The following GOSR1 variants were observed in gnomAD, a reference collection of about 807,000 sequenced individuals.
GOSR1 encodes the protein 28 kDa Golgi SNARE protein.
GOSR1 carries 21 observed loss-of-function variants against 35.5 expected under a neutral mutation model. The observed-to-expected ratio is 0.59, with a 90% confidence interval of 0.42 to 0.85. The LOEUF is 0.85. Ranked by LOEUF, GOSR1 falls within the 40% of genes least tolerant of loss-of-function variation. The probability of loss-of-function intolerance (pLI) is 0.00; values close to 1 mark genes in which losing one functional copy is unlikely to be tolerated. For synonymous variants in GOSR1, 94 were observed against 106.6 expected (o/e 0.88, Z 0.73); for missense variants, 285 against 309.6 (o/e 0.92, Z 0.60).
chr17:30,511,914 A>G (rs1263935129), intron 7 of GOSR1, among the ~76,000 whole-genome samples: 2 of 152,214 alleles, frequency 1.3e-5, no homozygotes, highest in Non-Finnish European at 2.9e-5. Flanking sequence ...TCAATAACCC[A>G]TTAGATAGAC....
At position 30,526,266 on chromosome 17, in the gene GOSR1, A is replaced by G. The variant is rs1968180878; in HGVS notation, c.*3888A>G. On this transcript the variant is annotated 3_prime_UTR_variant, in exon 9 of 9. Transcript: ENST00000451249. ...TAGGGGAAGTTATGCCCCCTCAACT[A>G]TTGTCTTATTATAATGAATCTTTCC... 2 of 152,040 alleles carry G rather than the reference A, an allele frequency of 1.3e-5. No homozygotes were observed. Among genetic ancestry groups the G allele is most frequent in the African/African-American group, 4.8e-5 (2 of 41,344 alleles). The allele number at this position is 152,040 out of a possible 1,614,324, so 9.4% of individuals were successfully genotyped here. A position where few individuals can be genotyped will look rare whatever the true frequency, so the allele number is the denominator to read the frequency against.
At chr17:30,520,773 A>T (rs1967999867) in intron 8 of GOSR1, among the ~76,000 whole-genome samples, 1 of 152,156 alleles carries the variant, frequency 6.6e-6, no homozygotes, top group South Asian at 2.1e-4. Context: ...TTTTAGTTTG[A>T]TATGTCTTTG....
intron 4 of GOSR1, among the ~76,000 whole-genome samples, chr17:30,488,719 G>A (rs541423574): frequency 3.1e-4 from 47 of 150,842 alleles, no homozygotes; most frequent in Admixed American, 3.0e-3. Flanking sequence ...TGTGTTTTTA[G>A]TAGAGACGGG....
At chr17:30,502,136 AT>A (rs1368231404) in intron 6 of GOSR1, among the ~76,000 whole-genome samples, 1 of 152,228 alleles carries the variant, frequency 6.6e-6, no homozygotes, top group Non-Finnish European at 1.5e-5. Flanking sequence ...ACTATATAAC[AT>A]TTTGGACAAA....
rs1388138863 is a variant in GOSR1, at chr17:30,517,135, G to GTTAACA, written c.540-2801_540-2796dup. Among the ~76,000 whole-genome samples the GTTAACA allele has an allele frequency of 3.9e-5, 6 of 152,232 alleles. No individual in the cohort carries two copies. In the South Asian group the frequency reaches 1.2e-3, roughly 32 times the overall value. ...GTGTGTGTGTGTAGCTTCAGATGTT[G>GTTAACA]TTAACATTTCTTAATCACTCAGGTG... On this transcript the variant is annotated intron_variant, in intron 7 of 8. Coordinates refer to ENST00000451249, the MANE Select transcript of GOSR1 (RefSeq NM_001007025.2).
At position 30,481,308 on chromosome 17, in the gene GOSR1, G is replaced by A. The variant is rs542694380; in HGVS notation, c.146+51G>A. 24 of 1,399,904 alleles carry A rather than the reference G, an allele frequency of 1.7e-5. No homozygotes were observed. In the South Asian group the frequency reaches 1.8e-4, roughly 10 times the overall value. 86.7% of individuals were successfully genotyped at this position (1,399,904 alleles called of 1,614,324 possible). The stretch of plus-strand genomic sequence containing the variant: ...CCTATGCCTTAACTGTGTTTTTAAA[G>A]CATTAAAAAATAAACTAAAATATAT... On this transcript the variant is annotated intron_variant, in intron 2 of 8. Coordinates refer to ENST00000451249, the MANE Select transcript of GOSR1 (RefSeq NM_001007025.2).
intron 7 of GOSR1, among the ~76,000 whole-genome samples, chr17:30,517,555 A>G (rs1034523936): frequency 6.6e-6 from 1 of 151,486 alleles, no homozygotes; most frequent in African/African-American, 2.4e-5. Flanking sequence ...ATCATAATCT[A>G]TTATACCATT....
intron 7 of GOSR1, among the ~76,000 whole-genome samples, chr17:30,514,257 C>T (rs897224201): frequency 6.6e-6 from 1 of 152,216 alleles, no homozygotes; most frequent in African/African-American, 2.4e-5. Flanking sequence ...TGATTCTCTA[C>T]ACCTCCAACA....
intron 6 of GOSR1, among the ~76,000 whole-genome samples, chr17:30,497,400 G>T (rs1359575372): frequency 5.3e-5 from 8 of 152,140 alleles, no homozygotes; most frequent in Non-Finnish European, 1.2e-4. Context: ...GGGCTTTGAA[G>T]CCAGAGAGTC....
chr17:30,481,299 G>GT (rs750738183), intron 2 of GOSR1, 42 bp downstream of exon 2: 3 of 1,458,834 alleles, frequency 2.1e-6, no homozygotes, highest in South Asian at 1.3e-5. Flanking sequence ...CCTTAACTGT[G>GT]TTTTTAAAGC....
chr17:30,500,881 CTTTT>C (rs34673687), intron 6 of GOSR1, among the ~76,000 whole-genome samples: 5 of 139,502 alleles, frequency 3.6e-5, no homozygotes, highest in Admixed American at 7.2e-5. Flanking sequence ...ACAAAGAACT[CTTTT>C]TTTTTTTTTT....
At position 30,484,247 on chromosome 17, in the gene GOSR1, C is replaced by CCAAG; in HGVS notation, c.181_184dup (p.Asp62AlafsTer6). On this transcript the variant is annotated frameshift_variant, in exon 3 of 9. Coordinates refer to ENST00000451249, the MANE Select transcript of GOSR1 (RefSeq NM_001007025.2). LOFTEE classifies it high-confidence loss of function. ...CAACACCCCTTTTAAATGGATCAAG[C>CCAAG]CAAGACAGAATGTTTGAGACAATGG... The CCAAG allele has an allele frequency of 6.2e-7, 1 of 1,611,534 alleles. No homozygotes were observed. The highest frequency in any genetic ancestry group is 8.5e-7 in the Non-Finnish European group (1 of 1,177,788).
chr17:30,481,502 A>G (rs1371141376), intron 2 of GOSR1, among the ~76,000 whole-genome samples: 1 of 152,206 alleles, frequency 6.6e-6, no homozygotes, highest in Admixed American at 6.5e-5. Flanking sequence ...CTAGAACTTC[A>G]GAATAAGTTT....
intron 6 of GOSR1, among the ~76,000 whole-genome samples, chr17:30,501,310 G>A (rs1176700032): frequency 6.6e-6 from 1 of 152,024 alleles, no homozygotes; most frequent in East Asian, 1.9e-4. Flanking sequence ...GTATCATTAG[G>A]GTACTGCAAA....
At chr17:30,490,418 CTTTA>C in intron 5 of GOSR1, 1 of 423,406 alleles carries the variant, frequency 2.4e-6, no homozygotes, top group Non-Finnish European at 4.3e-6. Context: ...CTTCCTCTTA[CTTTA>C]TCATTGGCTC....
At chr17:30,520,142 T>C (rs1967971798) in intron 8 of GOSR1, 121 bp downstream of exon 8, 3 of 687,396 alleles carry the variant, frequency 4.4e-6, no homozygotes, top group Non-Finnish European at 7.9e-6. Flanking sequence ...AGTAATTGCA[T>C]AATATGAATA....
intron 1 of GOSR1, chr17:30,477,977 C>T (rs1227357947): frequency 2.1e-6 from 2 of 974,026 alleles, no homozygotes; most frequent in African/African-American, 1.8e-5. Flanking sequence ...CTTATTGGGT[C>T]TCCATGACAA....
At chr17:30,506,099 T>C (rs2080406610) in intron 6 of GOSR1, among the ~76,000 whole-genome samples, 1 of 152,160 alleles carries the variant, frequency 6.6e-6, no homozygotes, top group Non-Finnish European at 1.5e-5. Flanking sequence ...CCCCTCTCTA[T>C]TACCTGACAC....
At chr17:30,504,122 G>T (rs1024858010) in intron 6 of GOSR1, among the ~76,000 whole-genome samples, 5 of 151,896 alleles carry the variant, frequency 3.3e-5, no homozygotes, top group African/African-American at 1.2e-4. Flanking sequence ...CGCCTCCCGG[G>T]TTCAAGGAAT....
Sources: gnomAD v4.1 joint callset for allele counts (sites outside exome capture counted in the v4.1 genomes callset) on GRCh38, gnomAD v4.1.1 for gene constraint, MANE v1.5 for transcripts, NCBI Gene and HGNC (gene_info 2026-07-23, HGNC 2026-07-21) for gene names.